Variants in GAN observed in about 807,000 individuals in gnomAD.
GAN encodes gigaxonin.
In GAN, 48 loss-of-function variants were observed where a neutral mutation model predicts 71.3. The observed-to-expected ratio is 0.67, with a 90% CI of 0.53 to 0.86. GAN has a LOEUF of 0.86. Among genes scored for constraint, GAN ranks in the 40% least tolerant of loss-of-function variants. GAN has a pLI of 0.00. For synonymous variants in GAN, 386 were observed against 276.8 expected (o/e 1.39, Z -3.92); for missense variants, 928 against 770.1 (o/e 1.21, Z -2.43).
intron 1 of GAN, among the ~76,000 whole-genome samples, chr16:81,340,886 A>G (rs890628246): frequency 6.6e-6 from 1 of 152,034 alleles, no homozygotes. Context: ...AGGAATCGAA[A>G]AGCGTTCAAA....
At chr16:81,345,634 T>C (rs1910093895) in intron 1 of GAN, among the ~76,000 whole-genome samples, 1 of 152,034 alleles carries the variant, frequency 6.6e-6, no homozygotes, top group South Asian at 2.1e-4. Flanking sequence ...TTAGGAGAAA[T>C]ATCTGATGTA....
In GAN at chr16:81,384,425, T is replaced by G. The variant is rs1175052753; in HGVS notation, c.*6829T>G. ...GAACTTTAAAGAGTCTTTAAAAGGC[T>G]GTTTTCATAATGCAGAAAAGTAGTC... On this transcript the variant is annotated 3_prime_UTR_variant, in exon 11 of 11. Coordinates refer to ENST00000648994, the MANE Select transcript of GAN (RefSeq NM_022041.4). The G allele has an allele frequency of 2.6e-5, 4 of 152,126 alleles. No individual in the cohort carries two copies. Among genetic ancestry groups the G allele is most frequent in the African/African-American group, 9.7e-5 (4 of 41,450 alleles). The allele number at this position is 152,126 out of a possible 1,614,324, so 9.4% of individuals were successfully genotyped here.
chr16:81,328,656 TTTTTTTAGATCTATCACCA>T (rs903248723), intron 1 of GAN, among the ~76,000 whole-genome samples: 1 of 151,916 alleles, frequency 6.6e-6, no homozygotes, highest in African/African-American at 2.4e-5. Flanking sequence ...CTTATTTTTT[TTTTTTTAGATCTATCACCA>T]TTTTTTTTAG....
At chr16:81,375,735 A>G (rs1014143851) in intron 9 of GAN, among the ~76,000 whole-genome samples, 4 of 152,020 alleles carry the variant, frequency 2.6e-5, no homozygotes, top group African/African-American at 9.6e-5. Context: ...GGAGGCCAAG[A>G]CAGAAGGATC....
intron 1 of GAN, among the ~76,000 whole-genome samples, chr16:81,350,630 C>G (rs1033608531): frequency 6.6e-6 from 1 of 151,894 alleles, no homozygotes; most frequent in African/African-American, 2.4e-5. Flanking sequence ...ATTTTTGTGC[C>G]TCAGCCTCCT....
chr16:81,349,132 C>T (rs1376124279), intron 1 of GAN, among the ~76,000 whole-genome samples: 1 of 152,128 alleles, frequency 6.6e-6, no homozygotes, highest in East Asian at 1.9e-4. Flanking sequence ...TCCGGAAATT[C>T]AACTATTTCC....
chr16:81,335,943 T>G (rs536000256), intron 1 of GAN, among the ~76,000 whole-genome samples: 10 of 152,062 alleles, frequency 6.6e-5, no homozygotes, highest in Admixed American at 4.6e-4. Context: ...GGGTGCCCCA[T>G]GCGGGTTCCT....
chr16:81,368,319 G>C (rs1225040310), intron 9 of GAN, among the ~76,000 whole-genome samples: 2 of 152,136 alleles, frequency 1.3e-5, no homozygotes, highest in African/African-American at 4.8e-5. Context: ...GGTCATCTTG[G>C]CTGGCACAGT....
intron 3 of GAN, 146 bp from the exon 4 acceptor site, chr16:81,356,639 T>G: frequency 2.7e-6 from 2 of 738,374 alleles, no homozygotes; most frequent in Non-Finnish European, 5.0e-6. Context: ...GGAGAAGATA[T>G]TCAAGCAGCA....
At position 81,384,300 on chromosome 16, in the gene GAN, TAAAAAAA is replaced by T. The variant is rs59504477; in HGVS notation, c.*6714_*6720del. 3 of 123,686 alleles carry T rather than the reference TAAAAAAA, an allele frequency of 2.4e-5. No individual in the cohort carries two copies. The highest frequency in any genetic ancestry group is 8.8e-5 in the African/African-American group (3 of 34,126). The allele number at this position is 123,686 out of a possible 1,614,324, so 7.7% of individuals were successfully genotyped here. On this transcript the variant is annotated 3_prime_UTR_variant, in exon 11 of 11. Coordinates refer to ENST00000648994, the MANE Select transcript of GAN (RefSeq NM_022041.4). Reference sequence around the variant, plus strand: ...AAGGCCTGTTTTCCATTTTACTACTTAAAAAAAAAAAAAAAAGAAAAGAAAAAAAAGC... The same window carrying T: ...AAGGCCTGTTTTCCATTTTACTACTTAAAAAAAAAGAAAAGAAAAAAAAGC...
At chr16:81,337,355 A>G (rs1205801032) in intron 1 of GAN, among the ~76,000 whole-genome samples, 1 of 152,220 alleles carries the variant, frequency 6.6e-6, no homozygotes, top group Non-Finnish European at 1.5e-5. Context: ...GACTTCGTGA[A>G]CATTACATTC....
At chr16:81,354,147 GGGTTATT>G (rs1414899723) in intron 2 of GAN, among the ~76,000 whole-genome samples, 1 of 152,016 alleles carries the variant, frequency 6.6e-6, no homozygotes, top group African/African-American at 2.4e-5. Context: ...CACCCTAAAA[GGGTTATT>G]GGTGGTTGAC....
At chr16:81,351,719 G>A (rs754166690) in intron 2 of GAN, 22 bp downstream of exon 2, 5 of 1,105,380 alleles carry the variant, frequency 4.5e-6, no homozygotes, top group Non-Finnish European at 7.0e-6. Context: ...AACAAAGGAA[G>A]GAAGACCTAA....
chr16:81,362,530 T>C lies in GAN; in HGVS notation c.1005T>C (p.Asp335=), dbSNP rs1910709066. The change falls in exon 6 of 11, where the codon GAT becomes GAC. Residue 335 remains aspartate, a synonymous_variant. Coordinates refer to ENST00000648994, the MANE Select transcript of GAN (RefSeq NM_022041.4). ...TTTTGTTTGTATTCGGGGGCCAAGATGAAAATAAGCAGACTCTTAGCTCAG... is the reference window on the plus strand; with the variant it reads ...TTTTGTTTGTATTCGGGGGCCAAGACGAAAATAAGCAGACTCTTAGCTCAG... ...EGFLFVFGGQ[D]ENKQTLSSGE... 5 of 1,608,708 alleles carry C rather than the reference T, an allele frequency of 3.1e-6. No homozygotes were observed. Among genetic ancestry groups the C allele is most frequent in the Non-Finnish European group, 4.3e-6 (5 of 1,175,058 alleles).
In GAN at chr16:81,354,582, A is replaced by G. The variant is rs1314452944; in HGVS notation, c.460A>G (p.Thr154Ala). 1.2e-6 allele frequency: 2 copies of G among 1,614,056 alleles called. No individual in the cohort carries two copies. Among genetic ancestry groups the G allele is most frequent in the East Asian group, 2.2e-5 (1 of 44,898 alleles). ...CCTCCATCACGTTCATTACCTTGCC[A>G]CAGAATACCTGGAGACTCATTTCCG... ...YCLHHVHYLA[T>A]EYLETHFRDV... The change falls in exon 3 of 11, where the codon ACA becomes GCA. Residue 154 changes from threonine (T) to alanine (A), a missense_variant. Thr to Ala is a moderately conservative substitution (Grantham distance 58). Transcript: ENST00000648994.
intron 1 of GAN, among the ~76,000 whole-genome samples, chr16:81,336,559 G>C (rs925961922): frequency 5.9e-5 from 9 of 152,174 alleles, no homozygotes; most frequent in Middle Eastern, 3.4e-3. Context: ...GACCTACTGG[G>C]CTCAAGCGAT....
chr16:81,321,492 C>G (rs1909222104), intron 1 of GAN, among the ~76,000 whole-genome samples: 1 of 152,140 alleles, frequency 6.6e-6, no homozygotes, highest in Admixed American at 6.5e-5. Flanking sequence ...AATGCTCTTC[C>G]ACATAGAAAC....
chr16:81,339,893 C>T (rs566366705), intron 1 of GAN, among the ~76,000 whole-genome samples: 6 of 152,148 alleles, frequency 3.9e-5, no homozygotes, highest in African/African-American at 9.6e-5. Context: ...GAATTTAAAC[C>T]GTAATTAAAG....
At chr16:81,342,206 C>T (rs1370551298) in intron 1 of GAN, among the ~76,000 whole-genome samples, 5 of 152,250 alleles carry the variant, frequency 3.3e-5, no homozygotes, top group African/African-American at 9.6e-5. Flanking sequence ...ACCCCACTGT[C>T]AATATTAGAC....
Sources: allele counts gnomAD v4.1 joint callset (sites outside exome capture counted in the v4.1 genomes callset), GRCh38; gene constraint gnomAD v4.1.1; transcripts MANE v1.5; gene names NCBI Gene and HGNC (gene_info 2026-07-23, HGNC 2026-07-21).